ACACB: variants seen among roughly 807,000 people sequenced by gnomAD.
ACACB encodes the protein acetyl-CoA carboxylase 2.
A neutral mutation model predicts 278.8 loss-of-function variants in ACACB; 209 were observed. That is an observed-to-expected ratio of 0.75 (90% CI 0.67 to 0.84). The LOEUF (loss-of-function observed/expected upper bound fraction) is 0.84. Among genes scored for constraint, ACACB ranks in the 40% least tolerant of loss-of-function variants. The probability of loss-of-function intolerance (pLI) is 0.00; values close to 1 mark genes in which losing one functional copy is unlikely to be tolerated. For synonymous variants in ACACB, 1,174 were observed against 1,285.6 expected (o/e 0.91, Z 1.86); for missense variants, 2,850 against 3,269.0 (o/e 0.87, Z 3.13).
At chr12:109,216,739 G>T (rs748715992) in intron 23 of ACACB, 33 bp downstream of exon 23, 2 of 1,614,118 alleles carry the variant, frequency 1.2e-6, no homozygotes, top group African/African-American at 2.7e-5. Flanking sequence ...CCAGTGGGAT[G>T]GTGGGGGGCG....
chr12:109,249,890 C>T (rs1360329940), intron 40 of ACACB, 94 bp from the exon 41 acceptor site: 16 of 1,464,348 alleles, frequency 1.1e-5, no homozygotes, highest in Non-Finnish European at 1.3e-5. Context: ...CAATCTCTCA[C>T]CTTGCTGCCC....
chr12:109,266,277 T>C lies in ACACB; in HGVS notation c.7292T>C (p.Ile2431Thr), dbSNP rs765667379. 1 of 1,613,734 alleles carries C rather than the reference T, an allele frequency of 6.2e-7. No individual in the cohort carries two copies. The highest frequency in any genetic ancestry group is 1.3e-5 in the African/African-American group (1 of 74,910). ...ENPEVAVDCVIYLSQHISPAE... is the reference protein window; with the variant it reads ...ENPEVAVDCVTYLSQHISPAE... Reference sequence around the variant, plus strand: ...CCCGAGGTGGCCGTGGACTGTGTGATATACCTGAGCCAGCACATCAGCCCA... The same window carrying C: ...CCCGAGGTGGCCGTGGACTGTGTGACATACCTGAGCCAGCACATCAGCCCA... Residue 2431 changes from isoleucine to threonine, a missense_variant, in exon 53 of 53, where the codon ATA (isoleucine) becomes ACA (threonine). Around this residue, in one of 3 missense-constraint regions of ACACB, gnomAD observed 579 missense variants for 684.6 expected, o/e 0.85. Transcript: ENST00000338432.
chr12:109,175,433 C>T (rs949377615), intron 7 of ACACB, among the ~76,000 whole-genome samples: 4 of 151,754 alleles, frequency 2.6e-5, no homozygotes, highest in African/African-American at 9.7e-5. Context: ...GTTTTGTTTT[C>T]GAGACAGGGT....
rs368848162 is a variant in ACACB, at chr12:109,164,295, C to T, written c.654-2566C>T. Among the ~76,000 whole-genome samples the T allele has an allele frequency of 3.3e-4, 51 of 152,294 alleles. No homozygotes were observed. The South Asian group carries it at 6.8e-3, about 20-fold the overall frequency. ...TCGCCCAGGCTGGAGTCCAGTGGCGCGATCTCGGCTTACTGCAACCTCCAT... is the reference window on the plus strand; with the variant it reads ...TCGCCCAGGCTGGAGTCCAGTGGCGTGATCTCGGCTTACTGCAACCTCCAT... On this transcript the variant is annotated intron_variant, in intron 2 of 52. Transcript: ENST00000338432.
intron 39 of ACACB, among the ~76,000 whole-genome samples, 184 bp downstream of exon 39, chr12:109,246,632 G>T (rs1191462621): frequency 1.3e-5 from 2 of 152,090 alleles, no homozygotes; most frequent in Non-Finnish European, 1.5e-5. Context: ...TGGCGGGGGG[G>T]ATGGTGATGA....
intron 27 of ACACB, among the ~76,000 whole-genome samples, chr12:109,225,458 C>G (rs958171099): frequency 6.6e-6 from 1 of 152,134 alleles, no homozygotes; most frequent in African/African-American, 2.4e-5. Flanking sequence ...GCCTGGAATT[C>G]CTGGGCTCAC....
intron 1 of ACACB, among the ~76,000 whole-genome samples, chr12:109,119,589 CAA>C (rs11360249): frequency 6.6e-4 from 79 of 120,404 alleles, no homozygotes; most frequent in East Asian, 3.6e-3. Flanking sequence ...GACTCTGTCT[CAA>C]AAAAAAAAAA....
At chr12:109,163,524 G>A (rs759847600) in intron 2 of ACACB, among the ~76,000 whole-genome samples, 6 of 152,058 alleles carry the variant, frequency 3.9e-5, no homozygotes, top group East Asian at 1.9e-4. Flanking sequence ...AGAGAGAATA[G>A]GAGAGGGGAA....
At position 109,246,337 on chromosome 12, in the gene ACACB, G is replaced by A. The variant is rs369334966; in HGVS notation, c.5460G>A (p.Glu1820=). 7 of 1,612,922 alleles carry A rather than the reference G, an allele frequency of 4.3e-6. No individual in the cohort carries two copies. The highest frequency in any genetic ancestry group is 4.0e-5 in the African/African-American group (3 of 74,516). The change falls in exon 39 of 53, where the codon GAG becomes GAA. Residue 1820 remains glutamate (E), a synonymous_variant. Transcript: ENST00000338432. ...GGGCATCCGAGATGGCCCGGGCAGAGGGCATTCCCAAAATTTACGTGGCAG... is the reference window on the plus strand; with the variant it reads ...GGGCATCCGAGATGGCCCGGGCAGAAGGCATTCCCAAAATTTACGTGGCAG... The part of the protein sequence containing the change: ...YLRASEMARA[E]GIPKIYVAAN...
rs1162041795 is a variant in ACACB, at chr12:109,254,339, GTTCTAAA to G, written c.6166+6_6166+12del. ...TTGCAGGAAGGCCTCACCCAAGTAAGTTCTAAAGTATTTTGCCTAGGACCTGGTCTCG... is the reference window on the plus strand; with the variant it reads ...TTGCAGGAAGGCCTCACCCAAGTAAGGTATTTTGCCTAGGACCTGGTCTCG... On this transcript the variant is annotated splice_donor_region_variant and intron_variant, in intron 44 of 52. Coordinates refer to ENST00000338432, the MANE Select transcript of ACACB (RefSeq NM_001093.4). 6 of 1,605,790 alleles carry G rather than the reference GTTCTAAA, an allele frequency of 3.7e-6. No homozygotes were observed. In the South Asian group the frequency reaches 6.6e-5, roughly 18 times the overall value.
chr12:109,243,893 A>AGT (rs2046870093), intron 37 of ACACB, among the ~76,000 whole-genome samples: 1 of 144,986 alleles, frequency 6.9e-6, no homozygotes, highest in East Asian at 2.0e-4. Context: ...ATATATATAT[A>AGT]TATTTATTTA....
chr12:109,265,264 C>T lies in ACACB; in HGVS notation c.7097C>T (p.Thr2366Met), dbSNP rs754980151. The T allele has an allele frequency of 2.5e-5, 41 of 1,612,850 alleles. No individual in the cohort carries two copies. Among genetic ancestry groups the T allele is most frequent in the South Asian group, 4.4e-5 (4 of 91,056 alleles). ...QSMLRRWFVE[T>M]EGAVKAYLWD... ...ATGCTGCGTCGCTGGTTCGTGGAGA[C>T]GGAGGGGGCTGTCAAGGTGGGCCTG... Residue 2366 changes from threonine (T) to methionine (M), a missense_variant, in exon 51 of 53, where the codon ACG (threonine) becomes ATG (methionine). By Grantham distance (81) the Thr-to-Met change is moderately conservative (BLOSUM62 -1). Coordinates refer to ENST00000338432, the MANE Select transcript of ACACB (RefSeq NM_001093.4).
intron 27 of ACACB, 111 bp from the exon 28 acceptor site, chr12:109,227,260 T>A (rs2046339212): frequency 1.1e-6 from 1 of 951,648 alleles, no homozygotes; most frequent in African/African-American, 1.6e-5. Context: ...TGCTTACAGA[T>A]AGATATTTTA....
chr12:109,205,557 C>T (rs996061030), intron 19 of ACACB, among the ~76,000 whole-genome samples: 1 of 152,042 alleles, frequency 6.6e-6, no homozygotes, highest in Non-Finnish European at 1.5e-5. Flanking sequence ...TCAACTGATT[C>T]TCCTGCCTCA....
intron 1 of ACACB, among the ~76,000 whole-genome samples, chr12:109,138,503 T>C (rs1234659436): frequency 6.6e-6 from 1 of 151,614 alleles, no homozygotes; most frequent in African/African-American, 2.4e-5. Context: ...AATACTAGAA[T>C]GATGATGATG....
In ACACB at chr12:109,265,377, C is replaced by T. The variant is rs748686749; in HGVS notation, c.7114-12C>T. The T allele has an allele frequency of 3.7e-6, 6 of 1,613,332 alleles. No homozygotes were observed. The South Asian group carries it at 4.4e-5, about 12-fold the overall frequency. ...GGGTCCCTCTCTGAGGCATCCTCTG[C>T]CCCCTCCCCAGGCCTACTTGTGGGA... On this transcript the variant is annotated splice_polypyrimidine_tract_variant and intron_variant, in intron 51 of 52. Coordinates refer to ENST00000338432, the MANE Select transcript of ACACB (RefSeq NM_001093.4).
intron 26 of ACACB, among the ~76,000 whole-genome samples, chr12:109,223,461 A>G (rs2046232823): frequency 6.6e-6 from 1 of 152,102 alleles, no homozygotes; most frequent in Admixed American, 6.5e-5. Flanking sequence ...CTGGTGATTA[A>G]AAAACTTACT....
At chr12:109,181,989 G>T (rs145122821) in intron 11 of ACACB, among the ~76,000 whole-genome samples, 50 of 151,820 alleles carry the variant, frequency 3.3e-4, no homozygotes, top group Non-Finnish European at 5.7e-4. Flanking sequence ...GACTACAGGC[G>T]TGTGCCACGA....
chr12:109,191,596 G>A lies in ACACB; in HGVS notation c.2145-17G>A, dbSNP rs367587458. The stretch of plus-strand genomic sequence containing the variant: ...TGCATGAATTTGGAAAATGATCCAT[G>A]TGCCTTTCCCTTCAAGGAACATGGT... On this transcript the variant is annotated splice_polypyrimidine_tract_variant and intron_variant, in intron 13 of 52. Transcript: ENST00000338432. The A allele has an allele frequency of 1.4e-5, 22 of 1,613,574 alleles. No homozygotes were observed. The African/African-American group carries it at 2.7e-4, about 20-fold the overall frequency.
Sources: allele counts gnomAD v4.1 joint callset (sites outside exome capture counted in the v4.1 genomes callset), GRCh38; gene constraint gnomAD v4.1.1; regional missense constraint gnomAD v4.1.1; transcripts MANE v1.5; gene names NCBI Gene and HGNC (gene_info 2026-07-23, HGNC 2026-07-21).